The following DDX17 variants were observed in gnomAD, a reference collection of about 807,000 sequenced individuals.
DDX17 encodes the protein DEAD-box helicase 17, also known as probable ATP-dependent RNA helicase DDX17.
DDX17 carries 10 observed loss-of-function variants against 80.8 expected under a neutral mutation model. The observed-to-expected ratio is 0.12, with a 90% CI of 0.08 to 0.21. The LOEUF (loss-of-function observed/expected upper bound fraction) is 0.21. Ranked by LOEUF, DDX17 falls within the 10% of genes least tolerant of loss-of-function variation. The pLI, the probability that DDX17 is intolerant of heterozygous loss-of-function variation, is 1.00. For missense variants in DDX17, 586 were observed against 957.4 expected, an observed-to-expected ratio of 0.61 and a Z score of 5.12; for synonymous variants, 339 against 336.2, an observed-to-expected ratio of 1.01 and a Z score of -0.09.
intron 11 of DDX17, chr22:38,490,340 ACTAAGTCTAGCCAAGAGG>A (rs1206386305): frequency 7.8e-7 from 1 of 1,289,320 alleles, no homozygotes; most frequent in Admixed American, 2.3e-5. Flanking sequence ...ATAAGGAGGG[ACTAAGTCTAGCCAAGAGG>A]CTCATCTAGA....
chr22:38,504,905 T>C (rs1015715762), intron 1 of DDX17, among the ~76,000 whole-genome samples: 1 of 151,350 alleles, frequency 6.6e-6, no homozygotes, highest in Non-Finnish European at 1.5e-5. Flanking sequence ...ACGTAACTCT[T>C]TGGGGAAGCG....
intron 9 of DDX17, 122 bp from the exon 10 acceptor site, chr22:38,493,893 G>C (rs1266759762): frequency 1.6e-6 from 2 of 1,213,566 alleles, no homozygotes; most frequent in African/African-American, 1.5e-5. Flanking sequence ...ATAGATGACT[G>C]TGCTCATTAA....
intron 1 of DDX17, among the ~76,000 whole-genome samples, chr22:38,504,879 CAT>C (rs1491097716): frequency 6.6e-6 from 1 of 151,846 alleles, no homozygotes; most frequent in African/African-American, 2.4e-5. Context: ...CACACACACA[CAT>C]ATCAAGTGGC....
rs183041301 is a variant in DDX17, at chr22:38,500,487, C to A, written c.438+643G>T. ...GAAACCCTGACTCTTGCACTCCAGC[C>A]TGGGTGACAGAGCAAGATTCCGTCT... On this transcript the variant is annotated intron_variant, in intron 2 of 12. Coordinates refer to ENST00000403230, the MANE Select transcript of DDX17 (RefSeq NM_006386.5). 4.6e-5 allele frequency among the ~76,000 whole-genome samples: 7 copies of A among 151,664 alleles called. No homozygotes were observed. In the East Asian group the frequency reaches 1.4e-3, roughly 30 times the overall value.
At chr22:38,498,777 C>T (rs1441609173) in intron 3 of DDX17, among the ~76,000 whole-genome samples, 1 of 152,204 alleles carries the variant, frequency 6.6e-6, no homozygotes, top group African/African-American at 2.4e-5. Flanking sequence ...GTAATCCCAT[C>T]ACTTTGGGAG....
At chr22:38,494,455 T>C in intron 8 of DDX17, 175 bp downstream of exon 8, 1 of 685,178 alleles carries the variant, frequency 1.5e-6, no homozygotes, top group East Asian at 2.8e-5. Context: ...TTCAGAATCC[T>C]TGCATTTAAC....
intron 1 of DDX17, 47 bp from the exon 2 acceptor site, chr22:38,501,327 G>A (rs374131914): frequency 7.6e-6 from 12 of 1,580,494 alleles, no homozygotes; most frequent in East Asian, 4.5e-5. Flanking sequence ...TTAAAGCAAC[G>A]TATCGTACAT....
At chr22:38,493,819 G>T in intron 9 of DDX17, 48 bp from the exon 10 acceptor site, 1 of 1,579,256 alleles carries the variant, frequency 6.3e-7, no homozygotes, top group Non-Finnish European at 8.7e-7. Flanking sequence ...TTAAAGTGGA[G>T]AAAATCGAAC....
rs942969159 is a variant in DDX17 at position 38,489,583 on chromosome 22, T to C, written c.1448-1468A>G. On this transcript the variant is annotated intron_variant, in intron 11 of 12. Coordinates refer to ENST00000403230, the MANE Select transcript of DDX17 (RefSeq NM_006386.5). This position sits in a 1 kb window ranked among gnomAD's most constrained non-coding sequence, Gnocchi z 4.6. ...ATCCAAAGGGTCAGACTGCATCTATTGCCCAGACTGGATTAATTTCAAGGG... is the reference window on the plus strand; with the variant it reads ...ATCCAAAGGGTCAGACTGCATCTATCGCCCAGACTGGATTAATTTCAAGGG... 2 of 984,982 alleles carry C rather than the reference T, an allele frequency of 2.0e-6. No individual in the cohort carries two copies. The highest frequency in any genetic ancestry group is 1.7e-5 in the African/African-American group (1 of 57,158). 61.0% of individuals were successfully genotyped at this position (984,982 alleles called of 1,614,324 possible). A position where few individuals can be genotyped will look rare whatever the true frequency, so the allele number is the denominator to read the frequency against.
intron 1 of DDX17, chr22:38,505,052 G>A (rs2089867334): frequency 6.6e-6 from 1 of 152,390 alleles, no homozygotes; most frequent in Non-Finnish European, 1.5e-5. Context: ...GGGATTACAG[G>A]CATGCGCCAC....
chr22:38,496,307 G>T (rs2089766443), intron 5 of DDX17, among the ~76,000 whole-genome samples: 1 of 152,138 alleles, frequency 6.6e-6, no homozygotes, highest in African/African-American at 2.4e-5. Context: ...AAATGCTCCA[G>T]CAAGCATTTA....
chr22:38,495,192 C>A, intron 6 of DDX17, 146 bp from the exon 7 acceptor site: 1 of 679,162 alleles, frequency 1.5e-6, no homozygotes, highest in Non-Finnish European at 2.4e-6. Context: ...CCCGACTCTA[C>A]AAAAATGCAG....
In DDX17 at chr22:38,498,432, A is replaced by C; in HGVS notation, c.672+8T>G. On this transcript the variant is annotated splice_region_variant and intron_variant, in intron 4 of 12. Transcript: ENST00000403230. ...CAATATCAAGGATCTTCTCTTGCTC[A>C]TACATACCGCCAACGTCTTCCCAGA... The C allele has an allele frequency of 6.2e-7, 1 of 1,614,152 alleles. No homozygotes were observed. Among genetic ancestry groups the C allele is most frequent in the Non-Finnish European group, 8.5e-7 (1 of 1,180,014 alleles).
At chr22:38,499,289 C>T in intron 3 of DDX17, 111 bp downstream of exon 3, 1 of 784,834 alleles carries the variant, frequency 1.3e-6, no homozygotes, top group Non-Finnish European at 2.2e-6. Flanking sequence ...AAAACAATCT[C>T]TTGTCCTTTC....
chr22:38,504,589 A>G (rs960592578), intron 1 of DDX17, among the ~76,000 whole-genome samples: 1 of 152,234 alleles, frequency 6.6e-6, no homozygotes, highest in African/African-American at 2.4e-5. Context: ...CTCATCCTCT[A>G]AACAATGAGA....
chr22:38,490,207 C>T (rs1421736689), intron 11 of DDX17: 3 of 1,205,200 alleles, frequency 2.5e-6, no homozygotes, highest in South Asian at 3.0e-5. Flanking sequence ...TATTATCTTG[C>T]TGCCTTTCTA....
chr22:38,494,533 G>A (rs2089742923), intron 8 of DDX17, 97 bp downstream of exon 8: 4 of 1,113,314 alleles, frequency 3.6e-6, no homozygotes, highest in African/African-American at 3.1e-5. Context: ...AATGTTCTCA[G>A]GCCTCAAAAT....
chr22:38,489,491 C>A lies in DDX17; in HGVS notation c.1448-1376G>T. 1 of 985,444 alleles carries A rather than the reference C, an allele frequency of 1.0e-6. No individual in the cohort carries two copies. The highest frequency in any genetic ancestry group is 4.7e-5 in the South Asian group (1 of 21,258). 61.0% of individuals were successfully genotyped at this position (985,444 alleles called of 1,614,324 possible). A position where few individuals can be genotyped will look rare whatever the true frequency, so the allele number is the denominator to read the frequency against. On this transcript the variant is annotated intron_variant, in intron 11 of 12. Coordinates refer to ENST00000403230, the MANE Select transcript of DDX17 (RefSeq NM_006386.5). This position sits in a 1 kb window ranked among gnomAD's most constrained non-coding sequence, Gnocchi z 4.6. ...CGGGTAAAAATTTCAGGTCCTCCAA[C>A]GCCTCCCCCAAGGATAATTGGGGTG...
chr22:38,495,471 TCTGGAC>T (rs2089753361), intron 6 of DDX17, among the ~76,000 whole-genome samples: 1 of 152,098 alleles, frequency 6.6e-6, no homozygotes, highest in Admixed American at 6.5e-5. Flanking sequence ...GGTCCCAATC[TCTGGAC>T]CTCGTGATCC....
Sources: allele counts gnomAD v4.1 joint callset (sites outside exome capture counted in the v4.1 genomes callset), GRCh38; gene constraint gnomAD v4.1.1; non-coding constraint Gnocchi (gnomAD v3.1); transcripts MANE v1.5; gene names NCBI Gene and HGNC (gene_info 2026-07-23, HGNC 2026-07-21).